Variants in ZNF736 observed in about 807,000 individuals in gnomAD.
The protein encoded by ZNF736 is KRAB-containing zinc-finger repressor protein.
A neutral mutation model predicts 11.7 loss-of-function variants in ZNF736; 6 were observed. The observed-to-expected ratio is 0.51, with a 90% confidence interval of 0.28 to 1.01. The LOEUF is 1.01. ZNF736 is among the 50% of genes least tolerant of loss of function. The probability of loss-of-function intolerance (pLI) is 0.09; values close to 1 mark genes in which losing one functional copy is unlikely to be tolerated. For synonymous variants in ZNF736, 139 were observed against 164.7 expected, an observed-to-expected ratio of 0.84 and a Z score of 1.19; for missense variants, 444 against 496.0, an observed-to-expected ratio of 0.90 and a Z score of 1.00.
chr7:64,341,072 G>A (rs925067511), intron 3 of ZNF736, among the ~76,000 whole-genome samples: 7 of 151,568 alleles, frequency 4.6e-5, no homozygotes, highest in African/African-American at 1.7e-4. Context: ...GTTTATAAAT[G>A]TCTTTAGTTT....
At chr7:64,334,824 G>C (rs1789221923) in intron 1 of ZNF736, among the ~76,000 whole-genome samples, 1 of 152,160 alleles carries the variant, frequency 6.6e-6, no homozygotes, top group Non-Finnish European at 1.5e-5. Flanking sequence ...CTACTATAAA[G>C]ACACATGCAC....
chr7:64,335,763 G>A (rs1789240238), intron 1 of ZNF736, among the ~76,000 whole-genome samples: 1 of 152,026 alleles, frequency 6.6e-6, no homozygotes, highest in African/African-American at 2.4e-5. Context: ...CTGAATTTTT[G>A]ACAAAATATT....
Position 64,351,332 on chromosome 7 carries a change from A to T in ZNF736, c.*2185A>T, listed in dbSNP as rs1241841866. 1 of 152,306 alleles carries T rather than the reference A, an allele frequency of 6.6e-6. No homozygotes were observed. Among genetic ancestry groups the T allele is most frequent in the East Asian group, 1.9e-4 (1 of 5,176 alleles). The allele number at this position is 152,306 out of a possible 1,614,324, so 9.4% of individuals were successfully genotyped here. The stretch of plus-strand genomic sequence containing the variant: ...CAAAGCCAAACCTGCCTTTGCAGAC[A>T]TGTGCCAGCAAAGAAATATCAGGAG... On this transcript the variant is annotated 3_prime_UTR_variant, in exon 4 of 4. Coordinates refer to ENST00000423484, the MANE Select transcript of ZNF736 (RefSeq NM_001170905.3).
intron 1 of ZNF736, among the ~76,000 whole-genome samples, chr7:64,324,156 C>G (rs1296887375): frequency 3.9e-5 from 6 of 152,216 alleles, no homozygotes; most frequent in East Asian, 3.9e-4. Flanking sequence ...TCCAACAAAG[C>G]TGGGATAAAA....
chr7:64,355,183 G>T lies in ZNF736; in HGVS notation c.*6036G>T. ...TTTCTACATTTAAACATCTACTGGG[G>T]GAGGCAGAGGCCAATTCTATGCAGT... On this transcript the variant is annotated 3_prime_UTR_variant, in exon 4 of 4. Coordinates refer to ENST00000423484, the MANE Select transcript of ZNF736 (RefSeq NM_001170905.3). 6.1e-6 allele frequency: 1 copy of T among 164,780 alleles called. No homozygotes were observed. Among genetic ancestry groups the T allele is most frequent in the South Asian group, 1.9e-4 (1 of 5,210 alleles). 10.2% of individuals were successfully genotyped at this position (164,780 alleles called of 1,614,324 possible).
At position 64,353,581 on chromosome 7, in the gene ZNF736, TG is replaced by T. The variant is rs962322584; in HGVS notation, c.*4435del. 5.3e-4 allele frequency: 80 copies of T among 152,360 alleles called. No individual in the cohort carries two copies. Among genetic ancestry groups the T allele is most frequent in the African/African-American group, 1.7e-3 (72 of 41,584 alleles). 9.4% of individuals were successfully genotyped at this position (152,360 alleles called of 1,614,324 possible). The stretch of plus-strand genomic sequence containing the variant: ...TATGTGAAAGAACATGGTCAGTGGT[TG>T]CACCAGAGTTGTGAGAGGTTCTTCT... On this transcript the variant is annotated 3_prime_UTR_variant, in exon 4 of 4. Transcript: ENST00000423484.
intron 1 of ZNF736, among the ~76,000 whole-genome samples, chr7:64,324,178 C>T (rs567470980): frequency 6.6e-6 from 1 of 152,192 alleles, no homozygotes; most frequent in South Asian, 2.1e-4. Context: ...CATCTTCATG[C>T]TCATGCTATA....
At position 64,348,288 on chromosome 7, in the gene ZNF736, G is replaced by A; in HGVS notation, c.425G>A (p.Ser142Asn). The A allele has an allele frequency of 6.4e-7, 1 of 1,551,904 alleles. No homozygotes were observed. The highest frequency in any genetic ancestry group is 8.7e-7 in the Non-Finnish European group (1 of 1,146,892). ...CATCAATGTTTGTCAGCTACCCATA[G>A]CAAAACCTGTCAATGTAATAAATGT... ...GLHQCLSATH[S>N]KTCQCNKCGR... Residue 142 changes from serine (S) to asparagine (N), a missense_variant, in exon 4 of 4, where the codon AGC becomes AAC. Ser to Asn is a conservative substitution (Grantham distance 46). Transcript: ENST00000423484.
At chr7:64,328,952 G>C (rs1255944108) in intron 1 of ZNF736, among the ~76,000 whole-genome samples, 1 of 64,304 alleles carries the variant, frequency 1.6e-5, no homozygotes, top group Middle Eastern at 0.011. Flanking sequence ...CCCTCTTGAG[G>C]CTATTTTTTT....
At position 64,355,847 on chromosome 7, in the gene ZNF736, G is replaced by T; in HGVS notation, c.*6700G>T. The T allele has an allele frequency of 5.6e-6, 1 of 177,728 alleles. No individual in the cohort carries two copies. The highest frequency in any genetic ancestry group is 1.3e-4 in the South Asian group (1 of 7,432). The allele number at this position is 177,728 out of a possible 1,614,324, so 11.0% of individuals were successfully genotyped here. A position where few individuals can be genotyped will look rare whatever the true frequency, so the allele number is the denominator to read the frequency against. ...AGTGTAGTTCTGACAGACATTACTG[G>T]AAGGTAGAGGTGGGAAACAAGCCTA... is the stretch of plus-strand genomic sequence containing the variant. On this transcript the variant is annotated 3_prime_UTR_variant, in exon 4 of 4. Coordinates refer to ENST00000423484, the MANE Select transcript of ZNF736 (RefSeq NM_001170905.3).
intron 1 of ZNF736, among the ~76,000 whole-genome samples, chr7:64,324,167 A>G (rs906147895): frequency 6.6e-6 from 1 of 152,142 alleles, no homozygotes; most frequent in Admixed American, 6.5e-5. Flanking sequence ...TGGGATAAAA[A>G]CATCTTCATG....
In ZNF736 at chr7:64,354,105, G is replaced by C. The variant is rs1207240182; in HGVS notation, c.*4958G>C. 1 of 152,036 alleles carries C rather than the reference G, an allele frequency of 6.6e-6. No individual in the cohort carries two copies. Among genetic ancestry groups the C allele is most frequent in the Non-Finnish European group, 1.5e-5 (1 of 67,982 alleles). 9.4% of individuals were successfully genotyped at this position (152,036 alleles called of 1,614,324 possible). A position where few individuals can be genotyped will look rare whatever the true frequency, so the allele number is the denominator to read the frequency against. On this transcript the variant is annotated 3_prime_UTR_variant, in exon 4 of 4. Coordinates refer to ENST00000423484, the MANE Select transcript of ZNF736 (RefSeq NM_001170905.3). ...TATGGTTTCTACAACTTACATTTTT[G>C]TTTACTTGTAACTACAGATTATTAT... is the stretch of plus-strand genomic sequence containing the variant.
chr7:64,351,959 A>T lies in ZNF736; in HGVS notation c.*2812A>T, dbSNP rs1789494949. 1 of 152,276 alleles carries T rather than the reference A, an allele frequency of 6.6e-6. No homozygotes were observed. Among genetic ancestry groups the T allele is most frequent in the South Asian group, 2.1e-4 (1 of 4,820 alleles). 9.4% of individuals were successfully genotyped at this position (152,276 alleles called of 1,614,324 possible). A position where few individuals can be genotyped will look rare whatever the true frequency, so the allele number is the denominator to read the frequency against. On this transcript the variant is annotated 3_prime_UTR_variant, in exon 4 of 4. Coordinates refer to ENST00000423484, the MANE Select transcript of ZNF736 (RefSeq NM_001170905.3). ...GTAAACTGCAGTTTGAGGTGTGAAT[A>T]AGGCACTTAGGGTTTGGGATTTTTT...
intron 1 of ZNF736, among the ~76,000 whole-genome samples, chr7:64,328,631 G>A (rs1789115215): frequency 1.3e-5 from 2 of 151,966 alleles, no homozygotes; most frequent in African/African-American, 2.4e-5. Context: ...GTGTGGTGGC[G>A]GGCTCCTGTA....
chr7:64,348,638 T>C lies in ZNF736; in HGVS notation c.775T>C (p.Cys259Arg), dbSNP rs1789444780. The change falls in exon 4 of 4, where the codon TGT becomes CGT. Residue 259 changes from cysteine (C) to arginine (R), a missense_variant. Physicochemically the swap from Cys to Arg is radical, Grantham distance 180. Transcript: ENST00000423484. ...TCATACTGGAGACAGACCCTACAAA[T>C]GTGAAGAATGTGGCAAAGCCTTTAA... ...RNHTGDRPYK[C>R]EECGKAFKCF... 1 of 1,606,936 alleles carries C rather than the reference T, an allele frequency of 6.2e-7. No homozygotes were observed.
intron 1 of ZNF736, among the ~76,000 whole-genome samples, chr7:64,329,971 C>T (rs905053914): frequency 1.1e-4 from 16 of 152,182 alleles, no homozygotes; most frequent in Middle Eastern, 3.4e-3. Flanking sequence ...CATGAGACAA[C>T]ATCCTTCCTA....
chr7:64,339,793 T>C (rs1479223490), intron 3 of ZNF736, among the ~76,000 whole-genome samples: 1 of 136,294 alleles, frequency 7.3e-6, no homozygotes, highest in Non-Finnish European at 1.7e-5. Context: ...CATATAAATT[T>C]TAAGATTGAA....
intron 1 of ZNF736, among the ~76,000 whole-genome samples, chr7:64,318,562 A>G (rs559722367): frequency 6.6e-5 from 10 of 152,286 alleles, no homozygotes; most frequent in African/African-American, 1.9e-4. Flanking sequence ...TAAAAGCAAT[A>G]AAGTTAAATA....
intron 1 of ZNF736, among the ~76,000 whole-genome samples, chr7:64,332,592 C>T (rs545821191): frequency 3.3e-5 from 5 of 152,156 alleles, no homozygotes; most frequent in East Asian, 1.9e-4. Flanking sequence ...GCAGAGAACC[C>T]ATCTGACCAC....
Sources: gnomAD v4.1 joint callset for allele counts (sites outside exome capture counted in the v4.1 genomes callset) on GRCh38, gnomAD v4.1.1 for gene constraint, MANE v1.5 for transcripts, NCBI Gene and HGNC (gene_info 2026-07-23, HGNC 2026-07-21) for gene names.